Variants in WDFY1 observed in about 807,000 individuals in gnomAD.
The protein encoded by WDFY1 is WD repeat and FYVE domain containing 1.
WDFY1 carries 32 observed loss-of-function variants against 56.4 expected under a neutral mutation model. The ratio of observed to expected loss-of-function variants is 0.57; its 90% confidence interval spans 0.43 to 0.76. The LOEUF (loss-of-function observed/expected upper bound fraction) is 0.76, where lower values mean the gene tolerates loss of function less well. Ranked by LOEUF, WDFY1 falls within the 30% of genes least tolerant of loss-of-function variation. The pLI is 0.00. For synonymous variants in WDFY1, 192 were observed against 197.3 expected, an observed-to-expected ratio of 0.97 and a Z score of 0.23; for missense variants, 480 against 545.7, an observed-to-expected ratio of 0.88 and a Z score of 1.20.
chr2:223,927,860 T>C (rs549280061), intron 1 of WDFY1, among the ~76,000 whole-genome samples: 75 of 152,172 alleles, frequency 4.9e-4, no homozygotes, highest in African/African-American at 1.7e-3. Context: ...GAGGCTATTG[T>C]AGGGTTATTC....
chr2:223,910,010 G>A (rs1383606336), intron 3 of WDFY1, among the ~76,000 whole-genome samples: 4 of 152,158 alleles, frequency 2.6e-5, no homozygotes, highest in African/African-American at 4.8e-5. Context: ...CCCGGCCTCT[G>A]CCCAATTCTC....
chr2:223,927,629 A>G (rs1296653206), intron 1 of WDFY1, among the ~76,000 whole-genome samples: 2 of 152,202 alleles, frequency 1.3e-5, no homozygotes, highest in Non-Finnish European at 2.9e-5. Context: ...CGTATCATCA[A>G]TAAGGCTGTT....
chr2:223,886,620 C>T (rs1693178139), intron 8 of WDFY1, among the ~76,000 whole-genome samples: 1 of 150,234 alleles, frequency 6.7e-6, no homozygotes, highest in Non-Finnish European at 1.5e-5. Context: ...ATCCCAGCTA[C>T]TCAGGAGGCT....
At chr2:223,892,628 A>G (rs2106076542) in intron 8 of WDFY1, among the ~76,000 whole-genome samples, 1 of 152,362 alleles carries the variant, frequency 6.6e-6, no homozygotes, top group Admixed American at 6.5e-5. Context: ...GGAATATGCT[A>G]AAAATGAAGG....
At chr2:223,895,439 T>G in intron 7 of WDFY1, 65 bp downstream of exon 7, 1 of 1,611,166 alleles carries the variant, frequency 6.2e-7, no homozygotes. Flanking sequence ...ATCAGACTAT[T>G]AATGCCTTTC....
At chr2:223,906,726 G>C (rs1693602661) in intron 3 of WDFY1, among the ~76,000 whole-genome samples, 1 of 151,798 alleles carries the variant, frequency 6.6e-6, no homozygotes, top group African/African-American at 2.4e-5. Flanking sequence ...CACCATGTTG[G>C]CTAGGATGGT....
chr2:223,895,415 T>G, intron 7 of WDFY1, 89 bp downstream of exon 7: 1 of 1,588,384 alleles, frequency 6.3e-7, no homozygotes, highest in East Asian at 2.3e-5. Context: ...AACGTGGGGT[T>G]TGCAGAAAGT....
intron 1 of WDFY1, among the ~76,000 whole-genome samples, chr2:223,933,788 C>CG (rs534267093): frequency 4.5e-4 from 56 of 124,176 alleles, no homozygotes; most frequent in African/African-American, 1.6e-3. Flanking sequence ...GAGACCCCCC[C>CG]CCATCTCTAC....
intron 1 of WDFY1, among the ~76,000 whole-genome samples, chr2:223,937,862 C>T (rs568036295): frequency 6.6e-6 from 1 of 152,276 alleles, no homozygotes; most frequent in Non-Finnish European, 1.5e-5. Flanking sequence ...TCTGTATTAA[C>T]TAATGAATTC....
At chr2:223,887,948 G>C (rs1166476748) in intron 8 of WDFY1, among the ~76,000 whole-genome samples, 1 of 152,034 alleles carries the variant, frequency 6.6e-6, no homozygotes, top group Non-Finnish European at 1.5e-5. Flanking sequence ...CATAGTTTCA[G>C]GAAAAACGTT....
chr2:223,886,729 T>TTAAAA (rs1553535494), intron 8 of WDFY1, among the ~76,000 whole-genome samples: 7 of 95,626 alleles, frequency 7.3e-5, no homozygotes, highest in African/African-American at 2.8e-4. Flanking sequence ...AAACTCCGTC[T>TTAAAA]AAAAAAAAAA....
At chr2:223,936,969 C>G (rs931963168) in intron 1 of WDFY1, among the ~76,000 whole-genome samples, 1 of 152,176 alleles carries the variant, frequency 6.6e-6, no homozygotes, top group African/African-American at 2.4e-5. Flanking sequence ...TGGATTTCAC[C>G]CCATGTGCTG....
At chr2:223,895,344 G>C (rs1366608403) in intron 7 of WDFY1, among the ~76,000 whole-genome samples, 160 bp downstream of exon 7, 1 of 152,168 alleles carries the variant, frequency 6.6e-6, no homozygotes, top group East Asian at 1.9e-4. Flanking sequence ...TCAGACACTC[G>C]GGGCTGACAG....
At chr2:223,926,076 C>A (rs1485081381) in intron 1 of WDFY1, among the ~76,000 whole-genome samples, 1 of 152,160 alleles carries the variant, frequency 6.6e-6, no homozygotes, top group African/African-American at 2.4e-5. Flanking sequence ...AATGGTGAAT[C>A]CTTTCCAGAA....
At chr2:223,914,586 C>A (rs931520066) in intron 2 of WDFY1, among the ~76,000 whole-genome samples, 2 of 152,184 alleles carry the variant, frequency 1.3e-5, no homozygotes, top group African/African-American at 4.8e-5. Flanking sequence ...CAAATGTTTA[C>A]TGTCTGGCCC....
At chr2:223,906,201 C>A (rs974531179) in intron 3 of WDFY1, among the ~76,000 whole-genome samples, 200 bp from the exon 4 acceptor site, 3 of 152,110 alleles carry the variant, frequency 2.0e-5, no homozygotes, top group African/African-American at 7.2e-5. Flanking sequence ...GAGAACAGAC[C>A]GAATTGAATA....
At chr2:223,923,458 T>C (rs539245926) in intron 1 of WDFY1, among the ~76,000 whole-genome samples, 101 of 152,264 alleles carry the variant, frequency 6.6e-4, no homozygotes, top group Middle Eastern at 3.4e-3. Flanking sequence ...TTAGTAATAT[T>C]TACAGGAGCA....
intron 1 of WDFY1, among the ~76,000 whole-genome samples, chr2:223,930,560 A>G (rs1694057321): frequency 6.6e-6 from 1 of 151,992 alleles, no homozygotes; most frequent in Non-Finnish European, 1.5e-5. Context: ...CGAATTCCTG[A>G]CCTCACGTGA....
intron 8 of WDFY1, among the ~76,000 whole-genome samples, chr2:223,892,310 A>T (rs1044375421): frequency 1.3e-5 from 2 of 152,210 alleles, no homozygotes; most frequent in African/African-American, 4.8e-5. Context: ...ATCTGTGTTT[A>T]ATAATAAAAT....
Sources: allele counts gnomAD v4.1 joint callset (sites outside exome capture counted in the v4.1 genomes callset), GRCh38; gene constraint gnomAD v4.1.1; transcripts MANE v1.5; gene names NCBI Gene and HGNC (gene_info 2026-07-23, HGNC 2026-07-21).